PRKG1: variants seen among roughly 807,000 people sequenced by gnomAD.
The protein encoded by PRKG1 is protein kinase cGMP-dependent 1, also known as cGMP-dependent protein kinase 1.
In PRKG1, 35 loss-of-function variants were observed where a neutral mutation model predicts 88.1. That is an observed-to-expected ratio of 0.40 (90% confidence interval 0.30 to 0.53). The LOEUF is 0.53. Ranked by LOEUF, PRKG1 falls within the 20% of genes least tolerant of loss-of-function variation. The probability of loss-of-function intolerance (pLI) is 0.59; values close to 1 mark genes in which losing one functional copy is unlikely to be tolerated. For synonymous variants in PRKG1, 303 were observed against 292.5 expected, an observed-to-expected ratio of 1.04 and a Z score of -0.37; for missense variants, 540 against 839.8, an observed-to-expected ratio of 0.64 and a Z score of 4.41.
At chr10:51,207,160 A>C (rs994286728) in intron 2 of PRKG1, among the ~76,000 whole-genome samples, 6 of 152,212 alleles carry the variant, frequency 3.9e-5, no homozygotes, top group African/African-American at 1.4e-4. Context: ...AGGGCATGAT[A>C]ACTGGAAGAA....
intron 4 of PRKG1, among the ~76,000 whole-genome samples, chr10:51,838,925 TA>T (rs925911130): frequency 3.3e-5 from 5 of 152,206 alleles, no homozygotes; most frequent in Non-Finnish European, 7.3e-5. Flanking sequence ...TAATGGCCCA[TA>T]AATTTAGCTG....
chr10:51,336,092 C>T (rs1164398598), intron 2 of PRKG1, among the ~76,000 whole-genome samples: 2 of 152,154 alleles, frequency 1.3e-5, no homozygotes, highest in Non-Finnish European at 1.5e-5. Flanking sequence ...GTGGCTCATG[C>T]CTGTAATCCC....
chr10:52,005,220 G>T (rs1185952052), intron 5 of PRKG1, among the ~76,000 whole-genome samples: 3 of 150,094 alleles, frequency 2.0e-5, no homozygotes, highest in African/African-American at 7.3e-5. Flanking sequence ...TAGCAATGTG[G>T]CTTATGGATG....
At chr10:51,492,207 T>C (rs1840724135) in intron 3 of PRKG1, among the ~76,000 whole-genome samples, 1 of 152,190 alleles carries the variant, frequency 6.6e-6, no homozygotes, top group South Asian at 2.1e-4. Context: ...ACACCACTGG[T>C]CCAACTTGAA....
intron 2 of PRKG1, among the ~76,000 whole-genome samples, chr10:51,406,155 C>T (rs949840053): frequency 6.6e-6 from 1 of 152,056 alleles, no homozygotes; most frequent in Non-Finnish European, 1.5e-5. Context: ...CACAGCAGCC[C>T]GCAGCCACTC....
At chr10:52,224,552 A>C (rs1840331941) in intron 9 of PRKG1, among the ~76,000 whole-genome samples, 1 of 134,230 alleles carries the variant, frequency 7.4e-6, no homozygotes, top group Non-Finnish European at 1.6e-5. Flanking sequence ...CCATCACCCA[A>C]GCAGTATACA....
intron 9 of PRKG1, among the ~76,000 whole-genome samples, chr10:52,181,527 C>A (rs1839029871): frequency 8.3e-6 from 1 of 119,840 alleles, no homozygotes; most frequent in African/African-American, 3.2e-5. Flanking sequence ...TGGTGCACTG[C>A]ACCCACTAAT....
At chr10:51,403,573 C>G (rs1466746658) in intron 2 of PRKG1, among the ~76,000 whole-genome samples, 1 of 152,078 alleles carries the variant, frequency 6.6e-6, no homozygotes, top group African/African-American at 2.4e-5. Flanking sequence ...CTCAAAGAGC[C>G]TCAATAACTT....
At chr10:52,233,994 G>A (rs1840606236) in intron 9 of PRKG1, among the ~76,000 whole-genome samples, 1 of 151,940 alleles carries the variant, frequency 6.6e-6, no homozygotes, top group South Asian at 2.1e-4. Context: ...CTCCTCAAGT[G>A]GGTCCCTGAC....
intron 3 of PRKG1, among the ~76,000 whole-genome samples, chr10:51,788,341 C>A (rs1838781789): frequency 6.6e-6 from 1 of 152,112 alleles, no homozygotes; most frequent in African/African-American, 2.4e-5. Flanking sequence ...GTCTTCCAGA[C>A]TAGAAAAATC....
chr10:51,615,970 G>T lies in PRKG1; in HGVS notation c.592+148134G>T, dbSNP rs149462461. 2.9e-3 allele frequency among the ~76,000 whole-genome samples: 445 copies of T among 152,192 alleles called. 2 individuals are homozygous for T. Among genetic ancestry groups the T allele is most frequent in the Middle Eastern group, 0.01 (3 of 294 alleles). On this transcript the variant is annotated intron_variant, in intron 3 of 17. Coordinates refer to ENST00000373980, the MANE Select transcript of PRKG1 (RefSeq NM_006258.4). ...CCTCCCATTTTTAAAATTTGCTTTT[G>T]TAGGGCAGGACTTTTTCCTGAAAGT...
chr10:51,275,507 T>C (rs1840091845), intron 2 of PRKG1, among the ~76,000 whole-genome samples: 3 of 152,192 alleles, frequency 2.0e-5, no homozygotes, highest in African/African-American at 7.2e-5. Flanking sequence ...GGAGTGCGTT[T>C]AAGGCTGGTA....
chr10:51,907,172 G>C (rs547516683), intron 4 of PRKG1, among the ~76,000 whole-genome samples: 1 of 152,044 alleles, frequency 6.6e-6, no homozygotes, highest in Non-Finnish European at 1.5e-5. Context: ...AGTTGACTGG[G>C]GGGCTTAAAA....
intron 3 of PRKG1, among the ~76,000 whole-genome samples, chr10:51,632,134 C>T (rs12782595): frequency 2.6e-5 from 4 of 151,488 alleles, no homozygotes; most frequent in African/African-American, 4.9e-5. Flanking sequence ...TATCAGCAAT[C>T]GTTAGTATTA....
chr10:52,132,351 T>A (rs11293080), intron 7 of PRKG1, among the ~76,000 whole-genome samples: 2 of 68,298 alleles, frequency 2.9e-5, no homozygotes, highest in Non-Finnish European at 5.9e-5. Flanking sequence ...TTCTCAAAAA[T>A]AATAAATGCT....
intron 3 of PRKG1, among the ~76,000 whole-genome samples, chr10:51,707,489 C>G (rs568668518): frequency 6.6e-6 from 1 of 152,112 alleles, no homozygotes; most frequent in South Asian, 2.1e-4. Context: ...GGCTGTCACC[C>G]GAAGGAACGC....
At chr10:51,620,632 G>A (rs927087324) in intron 3 of PRKG1, among the ~76,000 whole-genome samples, 3 of 152,006 alleles carry the variant, frequency 2.0e-5, no homozygotes, top group African/African-American at 7.2e-5. Context: ...TGACTTCAGT[G>A]TTAATATTCC....
At chr10:52,162,179 G>A (rs922505209) in intron 9 of PRKG1, among the ~76,000 whole-genome samples, 2 of 152,102 alleles carry the variant, frequency 1.3e-5, no homozygotes, top group Non-Finnish European at 2.9e-5. Context: ...TTGTGATGAA[G>A]ATAATCTCAG....
At chr10:52,126,280 C>A (rs1302660333) in intron 7 of PRKG1, among the ~76,000 whole-genome samples, 1 of 151,898 alleles carries the variant, frequency 6.6e-6, no homozygotes, top group Non-Finnish European at 1.5e-5. Context: ...TAACCTTTGG[C>A]AAATATTTGT....
Sources: allele counts gnomAD v4.1 joint callset (sites outside exome capture counted in the v4.1 genomes callset), GRCh38; gene constraint gnomAD v4.1.1; transcripts MANE v1.5; gene names NCBI Gene and HGNC (gene_info 2026-07-23, HGNC 2026-07-21).